Variants in SLC1A1 observed in about 807,000 individuals in gnomAD.
SLC1A1 encodes the protein solute carrier family 1 member 1.
SLC1A1 carries 43 observed loss-of-function variants against 53.3 expected under a neutral mutation model. The ratio of observed to expected loss-of-function variants is 0.81; its 90% CI spans 0.63 to 1.04. SLC1A1 has a LOEUF of 1.04. Among genes scored for constraint, SLC1A1 ranks in the 50% least tolerant of loss-of-function variants. The probability of loss-of-function intolerance (pLI) is 0.00; values close to 1 mark genes in which losing one functional copy is unlikely to be tolerated. For missense variants in SLC1A1, 748 were observed against 664.9 expected (o/e 1.12, Z -1.37); for synonymous variants, 307 against 243.2 (o/e 1.26, Z -2.44).
At chr9:4,521,603 G>T (rs1448006188) in intron 1 of SLC1A1, among the ~76,000 whole-genome samples, 3 of 152,188 alleles carry the variant, frequency 2.0e-5, no homozygotes, top group African/African-American at 7.2e-5. Context: ...AAGAATATTT[G>T]CAGCACATTT....
In SLC1A1 at chr9:4,583,063, G is replaced by A. The variant is rs759443182; in HGVS notation, c.1219G>A (p.Gly407Arg). The A allele has an allele frequency of 1.1e-5, 18 of 1,614,024 alleles. No individual in the cohort carries two copies. Among genetic ancestry groups the A allele is most frequent in the East Asian group, 8.9e-5 (4 of 44,892 alleles). Reference sequence around the variant, plus strand: ...TATCACGGCCACATCTGCCAGCATCGGAGCTGCTGGCGTGCCCCAGGCTGG... The same window carrying A: ...TATCACGGCCACATCTGCCAGCATCAGAGCTGCTGGCGTGCCCCAGGCTGG... ...ISITATSASI[G>R]AAGVPQAGLV... Residue 407 changes from glycine (G) to arginine (R), a missense_variant, in exon 11 of 12, where the codon GGA becomes AGA. By Grantham distance (125) the Gly-to-Arg change is moderately radical. Coordinates refer to ENST00000262352, the MANE Select transcript of SLC1A1 (RefSeq NM_004170.6). This position sits in a 1 kb window ranked among gnomAD's most constrained non-coding sequence, Gnocchi z 4.6.
At chr9:4,514,728 G>C (rs1242370979) in intron 1 of SLC1A1, among the ~76,000 whole-genome samples, 4 of 152,124 alleles carry the variant, frequency 2.6e-5, no homozygotes, top group Non-Finnish European at 4.4e-5. Context: ...TTAAGCTGGA[G>C]AGTGACTCCG....
chr9:4,530,783 T>G (rs1357745022), intron 1 of SLC1A1, among the ~76,000 whole-genome samples: 2 of 152,242 alleles, frequency 1.3e-5, no homozygotes, highest in African/African-American at 2.4e-5. Context: ...TTGGGATATA[T>G]TTGGATATTA....
rs989256544 is a variant in SLC1A1 at position 4,561,389 on chromosome 9, G to A, written c.233-60G>A. The A allele has an allele frequency of 4.9e-5, 49 of 996,018 alleles. No homozygotes were observed. In the Middle Eastern group the frequency reaches 6.2e-4, roughly 13 times the overall value. The allele number at this position is 996,018 out of a possible 1,614,324, so 61.7% of individuals were successfully genotyped here. On this transcript the variant is annotated intron_variant, in intron 2 of 11. Transcript: ENST00000262352. The stretch of plus-strand genomic sequence containing the variant: ...TATTTCACAACCTGAGGATTAAATC[G>A]CGGGTCCTGGAAACCTGTCTTTTAA...
intron 1 of SLC1A1, among the ~76,000 whole-genome samples, chr9:4,498,823 T>G (rs1270876146): frequency 2.0e-5 from 3 of 149,922 alleles, no homozygotes; most frequent in Non-Finnish European, 4.4e-5. Flanking sequence ...TATATATGTG[T>G]GTGTGTGTGT....
At chr9:4,501,611 A>C (rs1408367482) in intron 1 of SLC1A1, among the ~76,000 whole-genome samples, 12 of 151,564 alleles carry the variant, frequency 7.9e-5, no homozygotes, top group Non-Finnish European at 1.8e-4. Context: ...CTAAAAATAC[A>C]AAATTAGCCA....
At chr9:4,516,246 T>G (rs2130821999) in intron 1 of SLC1A1, among the ~76,000 whole-genome samples, 1 of 152,264 alleles carries the variant, frequency 6.6e-6, no homozygotes, top group African/African-American at 2.4e-5. Context: ...AGAACGGGCC[T>G]GAACATTTGA....
intron 1 of SLC1A1, among the ~76,000 whole-genome samples, chr9:4,532,215 T>C (rs1372365668): frequency 6.6e-6 from 1 of 152,126 alleles, no homozygotes; most frequent in African/African-American, 2.4e-5. Context: ...AGAATGAGAA[T>C]GACGTTGACG....
At chr9:4,539,291 T>G (rs1564017260) in intron 1 of SLC1A1, among the ~76,000 whole-genome samples, 1 of 152,136 alleles carries the variant, frequency 6.6e-6, no homozygotes, top group Non-Finnish European at 1.5e-5. Flanking sequence ...GAGGGAGAGA[T>G]AGACTGATGT....
chr9:4,505,212 A>G (rs1820764412), intron 1 of SLC1A1, among the ~76,000 whole-genome samples: 1 of 151,618 alleles, frequency 6.6e-6, no homozygotes, highest in African/African-American at 2.4e-5. Flanking sequence ...ATGCCTAGCT[A>G]ATTTTTTTGT....
At chr9:4,579,042 AT>A (rs1820820241) in intron 10 of SLC1A1, among the ~76,000 whole-genome samples, 1 of 152,216 alleles carries the variant, frequency 6.6e-6, no homozygotes, top group African/African-American at 2.4e-5. Flanking sequence ...AATACAATGC[AT>A]TTTTTAAATC....
intron 1 of SLC1A1, among the ~76,000 whole-genome samples, chr9:4,512,893 G>A (rs1471630318): frequency 6.6e-6 from 1 of 152,108 alleles, no homozygotes; most frequent in Non-Finnish European, 1.5e-5. Flanking sequence ...GACTCTCAAA[G>A]TGCTGAGATT....
intron 1 of SLC1A1, among the ~76,000 whole-genome samples, chr9:4,513,559 T>G (rs1251038663): frequency 6.6e-6 from 1 of 152,090 alleles, no homozygotes; most frequent in Non-Finnish European, 1.5e-5. Flanking sequence ...CAAGTGCTGA[T>G]GAGGATGTGG....
chr9:4,530,689 G>A (rs1330965134), intron 1 of SLC1A1, among the ~76,000 whole-genome samples: 1 of 152,120 alleles, frequency 6.6e-6, no homozygotes, highest in Non-Finnish European at 1.5e-5. Flanking sequence ...ACCCATGACG[G>A]AAAACATTTT....
intron 8 of SLC1A1, among the ~76,000 whole-genome samples, chr9:4,574,485 A>G (rs368211437): frequency 6.6e-5 from 10 of 152,178 alleles, no homozygotes; most frequent in African/African-American, 2.4e-4. Flanking sequence ...TGGGGCTGTT[A>G]ACCACCACCA....
chr9:4,572,336 T>G lies in SLC1A1; in HGVS notation c.715T>G (p.Phe239Val), dbSNP rs1305469217. Residue 239 changes from phenylalanine to valine, a missense_variant, in exon 7 of 12, where the codon TTC becomes GTC. Coordinates refer to ENST00000262352, the MANE Select transcript of SLC1A1 (RefSeq NM_004170.6). Reference protein sequence around the residue: ...MGEKGQILVDFFNALSDATMK... With the variant: ...MGEKGQILVDVFNALSDATMK... ...AGAAAAGGGACAAATTCTGGTGGAT[T>G]TCTTCAATGCTTTGAGTGATGCAAC... 1 of 1,614,080 alleles carries G rather than the reference T, an allele frequency of 6.2e-7. No homozygotes were observed. Among genetic ancestry groups the G allele is most frequent in the Non-Finnish European group, 8.5e-7 (1 of 1,180,020 alleles).
In SLC1A1 at chr9:4,585,602, G is replaced by A. The variant is rs778243978; in HGVS notation, c.*44G>A. 35 of 1,612,506 alleles carry A rather than the reference G, an allele frequency of 2.2e-5. No individual in the cohort carries two copies. Among genetic ancestry groups the A allele is most frequent in the East Asian group, 8.9e-5 (4 of 44,890 alleles). ...ACTGGAAACAAGGAAGGACATTTCCGTGAGAGTCATCTCAAACACTGCTTA... is the reference window on the plus strand; with the variant it reads ...ACTGGAAACAAGGAAGGACATTTCCATGAGAGTCATCTCAAACACTGCTTA... On this transcript the variant is annotated 3_prime_UTR_variant, in exon 12 of 12. Transcript: ENST00000262352.
At chr9:4,532,945 T>G (rs1041931896) in intron 1 of SLC1A1, among the ~76,000 whole-genome samples, 4 of 152,194 alleles carry the variant, frequency 2.6e-5, no homozygotes, top group Non-Finnish European at 4.4e-5. Flanking sequence ...AACCCAGAAT[T>G]TCATATCCAG....
At chr9:4,533,151 T>A (rs1816541505) in intron 1 of SLC1A1, among the ~76,000 whole-genome samples, 1 of 152,116 alleles carries the variant, frequency 6.6e-6, no homozygotes, top group Non-Finnish European at 1.5e-5. Flanking sequence ...AGAAACTGCA[T>A]CAACTAACGA....
Sources: allele counts gnomAD v4.1 joint callset (sites outside exome capture counted in the v4.1 genomes callset), GRCh38; gene constraint gnomAD v4.1.1; non-coding constraint Gnocchi (gnomAD v3.1); transcripts MANE v1.5; gene names NCBI Gene and HGNC (gene_info 2026-07-23, HGNC 2026-07-21).